Variants in TTC7A observed in about 807,000 individuals in gnomAD.
TTC7A encodes tetratricopeptide repeat protein 7A.
Under a neutral mutation model 103.7 loss-of-function variants are expected in TTC7A, and 110 were observed. The ratio of observed to expected loss-of-function variants is 1.06; its 90% CI spans 0.91 to 1.24. The LOEUF (loss-of-function observed/expected upper bound fraction) is 1.24. Ranked by LOEUF, TTC7A falls within the 50% of genes most tolerant of loss-of-function variation. The pLI is 0.00. For synonymous variants in TTC7A, 521 were observed against 467.9 expected (o/e 1.11, Z -1.47); for missense variants, 1,340 against 1,116.3 (o/e 1.20, Z -2.86).
At chr2:46,950,570 G>A in intron 2 of TTC7A, 44 bp downstream of exon 2, 1 of 1,600,350 alleles carries the variant, frequency 6.2e-7, no homozygotes, top group South Asian at 1.1e-5. Context: ...CTCCTCGTCT[G>A]TCTTGCCTCG....
chr2:46,945,727 C>T (rs1388855236), intron 1 of TTC7A, among the ~76,000 whole-genome samples: 8 of 145,062 alleles, frequency 5.5e-5, no homozygotes, highest in South Asian at 2.1e-4. Context: ...CCCTCCCCGC[C>T]GCCCCACTTT....
At chr2:47,009,653 G>A (rs541771088) in intron 10 of TTC7A, among the ~76,000 whole-genome samples, 11 of 152,138 alleles carry the variant, frequency 7.2e-5, no homozygotes, top group Admixed American at 1.3e-4. Context: ...GTAGACAGGC[G>A]AGCCTTCCAG....
rs1373996344 is a variant in TTC7A at position 47,074,879 on chromosome 2, G to A, written c.*956G>A. ...TCTGTGTCCATGACACCTGTCTTCCGGGCCTGGGGGCTGTGGGTGTATGTC... is the reference window on the plus strand; with the variant it reads ...TCTGTGTCCATGACACCTGTCTTCCAGGCCTGGGGGCTGTGGGTGTATGTC... On this transcript the variant is annotated 3_prime_UTR_variant, in exon 20 of 20. Transcript: ENST00000319190. The A allele has an allele frequency of 6.6e-6, 1 of 152,194 alleles. No individual in the cohort carries two copies. The highest frequency in any genetic ancestry group is 2.1e-4 in the South Asian group (1 of 4,824). The allele number at this position is 152,194 out of a possible 1,614,324, so 9.4% of individuals were successfully genotyped here.
At chr2:47,016,402 G>T (rs2104515323) in intron 11 of TTC7A, among the ~76,000 whole-genome samples, 1 of 152,336 alleles carries the variant, frequency 6.6e-6, no homozygotes, top group African/African-American at 2.4e-5. Context: ...TCAGCTCCCT[G>T]TGCCCTCAGC....
upstream of TTC7A, among the ~76,000 whole-genome samples, chr2:46,938,077 T>G (rs889501184): frequency 1.4e-4 from 22 of 152,114 alleles, no homozygotes; most frequent in African/African-American, 5.3e-4. Context: ...AGGGGATTTA[T>G]TATGCAAACA....
At chr2:47,013,846 A>G (rs1360602932) in intron 11 of TTC7A, among the ~76,000 whole-genome samples, 1 of 152,244 alleles carries the variant, frequency 6.6e-6, no homozygotes, top group Non-Finnish European at 1.5e-5. Context: ...GTTTAACTTC[A>G]GCTGAGCAGC....
intron 11 of TTC7A, among the ~76,000 whole-genome samples, chr2:47,013,554 G>A: frequency 6.6e-6 from 1 of 152,214 alleles, no homozygotes. Context: ...CCTCAAGGCT[G>A]CCAGCTCTGA....
intron 18 of TTC7A, among the ~76,000 whole-genome samples, chr2:47,059,890 C>G (rs1027631307): frequency 6.6e-6 from 1 of 152,164 alleles, no homozygotes; most frequent in African/African-American, 2.4e-5. Flanking sequence ...GGTGCGGTGG[C>G]TCATGCCTAT....
intron 3 of TTC7A, among the ~76,000 whole-genome samples, chr2:46,961,418 A>C (rs1343959836): frequency 2.6e-5 from 4 of 152,046 alleles, no homozygotes; most frequent in Non-Finnish European, 2.9e-5. Flanking sequence ...TCTACTAAAA[A>C]TACAAAAAAT....
At chr2:47,025,523 G>A (rs993681390) in intron 14 of TTC7A, among the ~76,000 whole-genome samples, 7 of 152,126 alleles carry the variant, frequency 4.6e-5, no homozygotes, top group Non-Finnish European at 5.9e-5. Flanking sequence ...TCCTCCTCTC[G>A]TCACAGTTAC....
intron 2 of TTC7A, among the ~76,000 whole-genome samples, chr2:46,918,298 C>T (rs898066060): frequency 6.6e-6 from 1 of 152,342 alleles, no homozygotes; most frequent in African/African-American, 2.4e-5. Context: ...ACCTTTAAAT[C>T]CTTCAGCAAA....
At chr2:46,938,330 A>G (rs2103866430), upstream of TTC7A, among the ~76,000 whole-genome samples, 1 of 152,276 alleles carries the variant, frequency 6.6e-6, no homozygotes, top group South Asian at 2.1e-4. Flanking sequence ...CTTGATCACT[A>G]TTATACCTTT....
intron 18 of TTC7A, among the ~76,000 whole-genome samples, chr2:47,057,456 G>A (rs868824594): frequency 6.6e-6 from 1 of 152,180 alleles, no homozygotes; most frequent in Non-Finnish European, 1.5e-5. Context: ...GATTGGGTGG[G>A]GTACCCTCTA....
chr2:46,981,956 A>G (rs747211809), intron 5 of TTC7A, among the ~76,000 whole-genome samples: 33 of 152,222 alleles, frequency 2.2e-4, no homozygotes, highest in Non-Finnish European at 4.0e-4. Flanking sequence ...TTGGGGAGGC[A>G]GTCCTGCCCC....
At position 46,941,565 on chromosome 2, in the gene TTC7A, C is replaced by A; in HGVS notation, c.24C>A (p.Gly8=). 6.4e-7 allele frequency: 1 copy of A among 1,556,578 alleles called. No individual in the cohort carries two copies. The highest frequency in any genetic ancestry group is 8.7e-7 in the Non-Finnish European group (1 of 1,150,708). The change falls in exon 1 of 20, where the codon GGC becomes GGA. Residue 8 remains glycine (G), a synonymous_variant. Transcript: ENST00000319190. The surrounding 1 kb of genome is among the most constrained non-coding windows in gnomAD (Gnocchi z 4.2). ...AGATGGCTGCGAAGGGCGCGCACGG[C>A]TCCTACCTGAAGGTGGAGAGCGAGC... The part of the protein sequence containing the change: MAAKGAH[G]SYLKVESELE...
chr2:46,999,864 G>A (rs1458675162), intron 8 of TTC7A: 10 of 985,340 alleles, frequency 1.0e-5, no homozygotes, highest in Non-Finnish European at 1.2e-5. Flanking sequence ...AAAGGGTACA[G>A]AGCCCTGGTG....
intron 8 of TTC7A, chr2:47,000,024 C>A: frequency 4.3e-6 from 2 of 466,238 alleles, no homozygotes; most frequent in Non-Finnish European, 2.8e-6. Context: ...TCTTACCACC[C>A]TGAGCCTCGG....
chr2:47,034,516 C>T (rs980547966), intron 15 of TTC7A: 5 of 152,194 alleles, frequency 3.3e-5, no homozygotes, highest in Non-Finnish European at 5.9e-5. Flanking sequence ...TTTTAGGTAA[C>T]AAATTCCTTG....
intron 3 of TTC7A, among the ~76,000 whole-genome samples, chr2:46,967,081 C>T (rs1332284330): frequency 5.3e-5 from 8 of 152,036 alleles, no homozygotes; most frequent in South Asian, 4.2e-4. Flanking sequence ...GGCGTGGTGG[C>T]GCGTGCCTGT....
Sources: gnomAD v4.1 joint callset for allele counts (sites outside exome capture counted in the v4.1 genomes callset) on GRCh38, gnomAD v4.1.1 for gene constraint, Gnocchi (gnomAD v3.1) non-coding constraint, MANE v1.5 for transcripts, NCBI Gene and HGNC (gene_info 2026-07-23, HGNC 2026-07-21) for gene names.